Variants in NUDCD2 observed in about 807,000 individuals in gnomAD.
The protein encoded by NUDCD2 is nudC domain-containing protein 2.
In NUDCD2, 16 loss-of-function variants were observed where a neutral mutation model predicts 20.8. The ratio of observed to expected loss-of-function variants is 0.77; its 90% CI spans 0.52 to 1.17. NUDCD2 has a LOEUF of 1.17. NUDCD2 is among the 50% of genes most tolerant of loss of function. The probability of loss-of-function intolerance (pLI) is 0.00; values close to 1 mark genes in which losing one functional copy is unlikely to be tolerated. For synonymous variants in NUDCD2, 87 were observed against 72.8 expected (o/e 1.20, Z -1.00); for missense variants, 199 against 193.9 (o/e 1.03, Z -0.16).
chr5:163,454,701 A>G (rs915002752), intron 3 of NUDCD2, among the ~76,000 whole-genome samples: 9 of 152,206 alleles, frequency 5.9e-5, no homozygotes, highest in African/African-American at 1.9e-4. Context: ...AGCTATACAT[A>G]TATAAGATAT....
At chr5:163,457,701 C>G in intron 1 of NUDCD2, 91 bp from the exon 2 acceptor site, 1 of 817,598 alleles carries the variant, frequency 1.2e-6, no homozygotes, top group South Asian at 1.5e-5. Flanking sequence ...CCTACCTAAT[C>G]CACATCTTAT....
At chr5:163,455,195 T>C (rs944621597) in intron 3 of NUDCD2, among the ~76,000 whole-genome samples, 2 of 150,246 alleles carry the variant, frequency 1.3e-5, no homozygotes, top group African/African-American at 4.9e-5. Flanking sequence ...TTAAATGGGA[T>C]GATCAAAGTA....
chr5:163,448,457 GA>G lies in NUDCD2; in HGVS notation c.*5509del, dbSNP rs1758098485. On this transcript the variant is annotated 3_prime_UTR_variant, in exon 4 of 4. Transcript: ENST00000302764. ...ATAGGATTAGATGAACCAATTCCTT[GA>G]AAGGCATACAGTACCCAAACTTAAA... 6.6e-6 allele frequency: 1 copy of G among 152,070 alleles called. No homozygotes were observed. Among genetic ancestry groups the G allele is most frequent in the South Asian group, 2.1e-4 (1 of 4,828 alleles). The allele number at this position is 152,070 out of a possible 1,614,324, so 9.4% of individuals were successfully genotyped here. A position where few individuals can be genotyped will look rare whatever the true frequency, so the allele number is the denominator to read the frequency against.
rs1444310898 is a variant in NUDCD2, at chr5:163,447,269, TAGGG to T, written c.*6694_*6697del. 2.6e-5 allele frequency: 4 copies of T among 152,528 alleles called. No homozygotes were observed. Among genetic ancestry groups the T allele is most frequent in the Admixed American group, 1.3e-4 (2 of 15,258 alleles). The allele number at this position is 152,528 out of a possible 1,614,324, so 9.4% of individuals were successfully genotyped here. On this transcript the variant is annotated 3_prime_UTR_variant, in exon 4 of 4. Transcript: ENST00000302764. ...GAGTTCAAGACCAGCCTACTCAACA[TAGGG>T]AGACCCTATCTCTACAAAAAATCAA... is the stretch of plus-strand genomic sequence containing the variant.
intron 3 of NUDCD2, among the ~76,000 whole-genome samples, chr5:163,454,435 A>T (rs1758251266): frequency 6.6e-6 from 1 of 152,250 alleles, no homozygotes; most frequent in Middle Eastern, 3.4e-3. Flanking sequence ...TCTGCCTCCC[A>T]GGTTCAAGCG....
intron 2 of NUDCD2, 139 bp from the exon 3 acceptor site, chr5:163,457,219 C>T (rs1452037071): frequency 5.8e-6 from 5 of 858,772 alleles, no homozygotes; most frequent in African/African-American, 3.5e-5. Flanking sequence ...GAAACCTCCG[C>T]CCCCCGGGTT....
intron 1 of NUDCD2, 51 bp downstream of exon 1, chr5:163,459,811 T>TG: frequency 6.6e-7 from 1 of 1,508,516 alleles, no homozygotes; most frequent in Non-Finnish European, 9.0e-7. Flanking sequence ...GAAACGGGGC[T>TG]GGGGGCGTCT....
chr5:163,455,259 A>T (rs1358782311), intron 3 of NUDCD2, among the ~76,000 whole-genome samples: 1 of 152,256 alleles, frequency 6.6e-6, no homozygotes, highest in African/African-American at 2.4e-5. Flanking sequence ...CTGTGGGAGA[A>T]GAGCATTGCA....
chr5:163,460,102 C>G lies in NUDCD2; in HGVS notation c.-52G>C. ...CACCAGGCGGAGCCGAGCGCACGCGCGGAATCCCACGCTTAGGCTACGCCT... is the reference window on the plus strand; with the variant it reads ...CACCAGGCGGAGCCGAGCGCACGCGGGGAATCCCACGCTTAGGCTACGCCT... On this transcript the variant is annotated 5_prime_UTR_variant, in exon 1 of 4. Coordinates refer to ENST00000302764, the MANE Select transcript of NUDCD2 (RefSeq NM_145266.6). The G allele has an allele frequency of 2.0e-6, 3 of 1,472,434 alleles. No individual in the cohort carries two copies. Among genetic ancestry groups the G allele is most frequent in the Non-Finnish European group, 2.7e-6 (3 of 1,102,424 alleles). The allele number at this position is 1,472,434 out of a possible 1,614,324, so 91.2% of individuals were successfully genotyped here.
At chr5:163,457,987 T>C (rs868371042) in intron 1 of NUDCD2, among the ~76,000 whole-genome samples, 3 of 91,560 alleles carry the variant, frequency 3.3e-5, no homozygotes, top group African/African-American at 7.2e-5. Flanking sequence ...GTCTTTTTTT[T>C]TTTTTTTTTT....
At chr5:163,455,681 G>A (rs1324836770) in intron 3 of NUDCD2, among the ~76,000 whole-genome samples, 4 of 151,242 alleles carry the variant, frequency 2.6e-5, no homozygotes, top group Non-Finnish European at 4.4e-5. Flanking sequence ...GGAGACTGGC[G>A]GGAATCCGGG....
intron 3 of NUDCD2, among the ~76,000 whole-genome samples, chr5:163,455,093 G>C (rs1047502485): frequency 1.3e-5 from 2 of 151,980 alleles, no homozygotes; most frequent in African/African-American, 4.8e-5. Flanking sequence ...TTGGCCCAAG[G>C]GCTGTAGTTT....
At position 163,446,698 on chromosome 5, in the gene NUDCD2, A is replaced by G. The variant is rs1323133744; in HGVS notation, c.*7269T>C. The G allele has an allele frequency of 3.3e-5, 5 of 152,240 alleles. No homozygotes were observed. The highest frequency in any genetic ancestry group is 3.3e-4 in the Admixed American group (5 of 15,286). The allele number at this position is 152,240 out of a possible 1,614,324, so 9.4% of individuals were successfully genotyped here. The stretch of plus-strand genomic sequence containing the variant: ...CAGAAACCAAAAAACAGTAAACATG[A>G]GTCAAGATGAATTAAAAGATAAGCC... On this transcript the variant is annotated 3_prime_UTR_variant, in exon 4 of 4. Coordinates refer to ENST00000302764, the MANE Select transcript of NUDCD2 (RefSeq NM_145266.6).
chr5:163,455,735 G>GAAA (rs80324793), intron 3 of NUDCD2, among the ~76,000 whole-genome samples: 1 of 108,806 alleles, frequency 9.2e-6, no homozygotes, highest in Non-Finnish European at 2.0e-5. Flanking sequence ...CTCCATCTCA[G>GAAA]AAAAAAAAAA....
rs1176166967 is a variant in NUDCD2, at chr5:163,460,045, C to G, written c.6G>C (p.Ser2=). 6.3e-7 allele frequency: 1 copy of G among 1,577,628 alleles called. No homozygotes were observed. Among genetic ancestry groups the G allele is most frequent in the East Asian group, 2.3e-5 (1 of 43,678 alleles). M[S]APFEERSGVV... is the part of the protein sequence containing the mutation. ...CCCCACTCCGCTCCTCAAACGGGGC[C>G]GACATAATCCAGTCCCTCCCGGCCG... Residue 2 remains serine, a synonymous_variant, in exon 1 of 4, where the codon TCG becomes TCC. Transcript: ENST00000302764.
chr5:163,457,405 TC>T (rs1257653091), intron 2 of NUDCD2, among the ~76,000 whole-genome samples, 156 bp downstream of exon 2: 2 of 151,996 alleles, frequency 1.3e-5, no homozygotes, highest in Admixed American at 1.3e-4. Flanking sequence ...TAATTTTTTC[TC>T]CCCCCACTAG....
At chr5:163,457,674 T>A in intron 1 of NUDCD2, 64 bp from the exon 2 acceptor site, 1 of 1,061,938 alleles carries the variant, frequency 9.4e-7, no homozygotes, top group South Asian at 1.3e-5. Flanking sequence ...TTTTCATGAT[T>A]AAGATTTACC....
chr5:163,447,576 G>A lies in NUDCD2; in HGVS notation c.*6391C>T, dbSNP rs1758071258. ...ATAGAATTAATAGAAAATTAGCAAAGATGTAGGAAAATGGAATAATACTAA... is the reference window on the plus strand; with the variant it reads ...ATAGAATTAATAGAAAATTAGCAAAAATGTAGGAAAATGGAATAATACTAA... On this transcript the variant is annotated 3_prime_UTR_variant, in exon 4 of 4. Coordinates refer to ENST00000302764, the MANE Select transcript of NUDCD2 (RefSeq NM_145266.6). The A allele has an allele frequency of 6.6e-6, 1 of 151,792 alleles. No individual in the cohort carries two copies. Among genetic ancestry groups the A allele is most frequent in the African/African-American group, 2.4e-5 (1 of 41,326 alleles). The allele number at this position is 151,792 out of a possible 1,614,324, so 9.4% of individuals were successfully genotyped here.
At chr5:163,454,130 G>A (rs1324614648) in intron 3 of NUDCD2, 80 bp from the exon 4 acceptor site, 2 of 646,928 alleles carry the variant, frequency 3.1e-6, no homozygotes, top group East Asian at 3.1e-5. Flanking sequence ...TGATAAAAAA[G>A]GATATATAAA....
Sources: allele counts gnomAD v4.1 joint callset (sites outside exome capture counted in the v4.1 genomes callset), GRCh38; gene constraint gnomAD v4.1.1; transcripts MANE v1.5; gene names NCBI Gene and HGNC (gene_info 2026-07-23, HGNC 2026-07-21).